Variants in SATB1 observed in about 807,000 individuals in gnomAD.
SATB1 encodes SATB homeobox 1, also known as DNA-binding protein SATB1.
SATB1 carries 11 observed loss-of-function variants against 86.9 expected under a neutral mutation model. The observed-to-expected ratio is 0.13, with a 90% CI of 0.08 to 0.21. SATB1 has a LOEUF of 0.21. Ranked by LOEUF, SATB1 falls within the 10% of genes least tolerant of loss-of-function variation. SATB1 has a pLI of 1.00. For missense variants in SATB1, 551 were observed against 937.6 expected, an observed-to-expected ratio of 0.59 and a Z score of 5.39; for synonymous variants, 357 against 357.2, an observed-to-expected ratio of 1.00 and a Z score of 0.01.
chr3:18,363,935 T>C (rs1323496470), intron 9 of SATB1, among the ~76,000 whole-genome samples: 1 of 152,178 alleles, frequency 6.6e-6, no homozygotes, highest in Non-Finnish European at 1.5e-5. Context: ...GGCATGCGAA[T>C]ATCAGAGAAA....
chr3:18,417,334 C>A (rs1214179851), intron 2 of SATB1: 1 of 565,460 alleles, frequency 1.8e-6, no homozygotes, highest in Middle Eastern at 4.7e-4. Context: ...ATTAACAGTG[C>A]ATTTTCCAAA....
chr3:18,441,584 C>G (rs1184959615), upstream of SATB1, among the ~76,000 whole-genome samples: 1 of 152,126 alleles, frequency 6.6e-6, no homozygotes, highest in African/African-American at 2.4e-5. Context: ...GTGTAAAGGG[C>G]ATATCTATGT....
chr3:18,372,925 A>G (rs1695547044), intron 9 of SATB1, among the ~76,000 whole-genome samples: 1 of 152,234 alleles, frequency 6.6e-6, no homozygotes, highest in African/African-American at 2.4e-5. Context: ...TCAAGAATGG[A>G]GCACAGGGAC....
intron 5 of SATB1, among the ~76,000 whole-genome samples, chr3:18,410,584 G>T (rs1372151351): frequency 6.6e-6 from 1 of 152,002 alleles, no homozygotes; most frequent in African/African-American, 2.4e-5. Context: ...CAACTAATAA[G>T]ATGTTATATC....
In SATB1 at chr3:18,349,662, T is replaced by C. The variant is rs751440509; in HGVS notation, c.1800A>G (p.Gln600=). 3.9e-5 allele frequency: 62 copies of C among 1,603,634 alleles called. No individual in the cohort carries two copies. Among genetic ancestry groups the C allele is most frequent in the African/African-American group, 2.7e-4 (20 of 74,766 alleles). The part of the protein sequence containing the change: ...EQIQQQQQQQ[Q]QQQQQQQAPP... ...GTGCCTGCTGCTGCTGCTGCTGCTGTTGCTGTTGCTGCTGCTGTTGCTGCA... is the reference window on the plus strand; with the variant it reads ...GTGCCTGCTGCTGCTGCTGCTGCTGCTGCTGTTGCTGCTGCTGTTGCTGCA... Residue 600 remains glutamine (Q), a synonymous_variant, in exon 11 of 11, where the codon CAA becomes CAG. Coordinates refer to ENST00000338745, the MANE Select transcript of SATB1 (RefSeq NM_002971.6). This position sits in a 1 kb window ranked among gnomAD's most constrained non-coding sequence, Gnocchi z 5.5.
At chr3:18,427,723 A>G (rs920330337), upstream of SATB1, among the ~76,000 whole-genome samples, 4 of 152,206 alleles carry the variant, frequency 2.6e-5, no homozygotes, top group Non-Finnish European at 4.4e-5. Flanking sequence ...ATCTATTCAA[A>G]AACACAAAAC....
chr3:18,445,146 T>A (rs2125217614), intron 1 of SATB1: 3 of 878,006 alleles, frequency 3.4e-6, no homozygotes, highest in Non-Finnish European at 4.1e-6. Context: ...CTTCGGAGCT[T>A]GTGCGGCGCG....
intron 9 of SATB1, among the ~76,000 whole-genome samples, chr3:18,355,705 C>A (rs1194824360): frequency 6.6e-6 from 1 of 151,878 alleles, no homozygotes; most frequent in African/African-American, 2.4e-5. Flanking sequence ...AGAGAGGTCT[C>A]TGGGACTTGA....
At chr3:18,417,405 T>C (rs1698173162) in intron 2 of SATB1, 6 of 560,132 alleles carry the variant, frequency 1.1e-5, no homozygotes, top group African/African-American at 5.8e-5. Context: ...GAGAAATAAA[T>C]GTATCTTCTC....
Position 18,415,912 on chromosome 3 carries a change from T to TA in SATB1, c.515+94dup, listed in dbSNP as rs964293258. The TA allele has an allele frequency of 7.3e-4, 873 of 1,197,146 alleles. 1 individual carries two copies. The highest frequency in any genetic ancestry group is 1.2e-3 in the Admixed American group (49 of 41,406). 74.2% of individuals were successfully genotyped at this position (1,197,146 alleles called of 1,614,324 possible). ...GTATTAACCTTTCTGAAACACAGAC[T>TA]AAAAAAAAATTGAAGGTCGACCAGA... On this transcript the variant is annotated intron_variant, in intron 4 of 10. Coordinates refer to ENST00000338745, the MANE Select transcript of SATB1 (RefSeq NM_002971.6).
rs923012685 is a variant in SATB1 at position 18,346,845 on chromosome 3, G to T, written c.*2325C>A. ...AGGAAGATAACTTCATGGCATTTGAGTTTCTATTTTATTTCCTATTTTTTA... is the reference window on the plus strand; with the variant it reads ...AGGAAGATAACTTCATGGCATTTGATTTTCTATTTTATTTCCTATTTTTTA... On this transcript the variant is annotated 3_prime_UTR_variant, in exon 11 of 11. Coordinates refer to ENST00000338745, the MANE Select transcript of SATB1 (RefSeq NM_002971.6). 4 of 151,924 alleles carry T rather than the reference G, an allele frequency of 2.6e-5. No individual in the cohort carries two copies. Among genetic ancestry groups the T allele is most frequent in the African/African-American group, 9.7e-5 (4 of 41,376 alleles). 9.4% of individuals were successfully genotyped at this position (151,924 alleles called of 1,614,324 possible).
chr3:18,436,353 G>A (rs2125204223), intron 2 of SATB1, among the ~76,000 whole-genome samples: 1 of 152,144 alleles, frequency 6.6e-6, no homozygotes, highest in South Asian at 2.1e-4. Flanking sequence ...GCTACTTGGT[G>A]GCTCAAATTG....
In SATB1 at chr3:18,394,218, TTTAA is replaced by T. The variant is rs1374860148; in HGVS notation, c.1206+240_1206+243del. Among the ~76,000 whole-genome samples, 1 of 152,216 alleles carries T rather than the reference TTTAA, an allele frequency of 6.6e-6. No homozygotes were observed. Among genetic ancestry groups the T allele is most frequent in the Non-Finnish European group, 1.5e-5 (1 of 68,040 alleles). On this transcript the variant is annotated intron_variant, in intron 7 of 10. Transcript: ENST00000338745. The surrounding 1 kb of genome is among the most constrained non-coding windows in gnomAD (Gnocchi z 5.9). ...ATGCCAGTTTAAAGTACGTTTGACA[TTTAA>T]TTAGTCTTTCAAAGGCCCTGAATTG... is the stretch of plus-strand genomic sequence containing the variant.
chr3:18,399,258 C>T (rs1575141746), intron 5 of SATB1, among the ~76,000 whole-genome samples: 1 of 152,128 alleles, frequency 6.6e-6, no homozygotes, highest in African/African-American at 2.4e-5. Flanking sequence ...TGCTGCACAC[C>T]TACTATATGC....
chr3:18,401,441 T>C (rs1697260621), intron 5 of SATB1, among the ~76,000 whole-genome samples: 1 of 152,272 alleles, frequency 6.6e-6, no homozygotes, highest in South Asian at 2.1e-4. Flanking sequence ...TCTCGGAAGT[T>C]GCAGTGCTCG....
chr3:18,390,663 AACATT>A (rs1696611829), intron 7 of SATB1, among the ~76,000 whole-genome samples: 1 of 152,184 alleles, frequency 6.6e-6, no homozygotes, highest in Non-Finnish European at 1.5e-5. Flanking sequence ...AATTTAATAA[AACATT>A]ACATGATGGT....
In SATB1 at chr3:18,386,280, T is replaced by C. The variant is rs1301677965; in HGVS notation, c.1419+119A>G. On this transcript the variant is annotated intron_variant, in intron 8 of 10. Coordinates refer to ENST00000338745, the MANE Select transcript of SATB1 (RefSeq NM_002971.6). This position sits in a 1 kb window ranked among gnomAD's most constrained non-coding sequence, Gnocchi z 4.5. ...GGACCAAATTCTCCTCAAGCAACTATACGAATTTAAAAACATATAAATCTA... is the reference window on the plus strand; with the variant it reads ...GGACCAAATTCTCCTCAAGCAACTACACGAATTTAAAAACATATAAATCTA... 3.8e-6 allele frequency: 3 copies of C among 792,742 alleles called. No individual in the cohort carries two copies. The highest frequency in any genetic ancestry group is 1.9e-5 in the South Asian group (1 of 52,386). 49.1% of individuals were successfully genotyped at this position (792,742 alleles called of 1,614,324 possible). A position where few individuals can be genotyped will look rare whatever the true frequency, so the allele number is the denominator to read the frequency against.
Position 18,349,282 on chromosome 3 carries a change from T to C in SATB1, c.2180A>G (p.Asp727Gly), listed in dbSNP as rs745790948. ...AEYKEEELLK[D>G]LEESVQDKNT... Reference sequence around the variant, plus strand: ...TTTATCTTGGACACTCTCTTCCAAATCCTTCAGCAGCTCCTCTTCTTTATA... The same window carrying C: ...TTTATCTTGGACACTCTCTTCCAAACCCTTCAGCAGCTCCTCTTCTTTATA... Residue 727 changes from aspartate to glycine, a missense_variant, in exon 11 of 11, where the codon GAT (aspartate) becomes GGT (glycine). Asp to Gly is a moderately conservative substitution (Grantham distance 94). Coordinates refer to ENST00000338745, the MANE Select transcript of SATB1 (RefSeq NM_002971.6). This position sits in a 1 kb window ranked among gnomAD's most constrained non-coding sequence, Gnocchi z 5.5. 1 of 1,614,222 alleles carries C rather than the reference T, an allele frequency of 6.2e-7. No homozygotes were observed. Among genetic ancestry groups the C allele is most frequent in the South Asian group, 1.1e-5 (1 of 91,088 alleles).
In SATB1 at chr3:18,386,726, T is replaced by A. The variant is rs1350576547; in HGVS notation, c.1207-115A>T. 1.3e-6 allele frequency: 1 copy of A among 762,422 alleles called. No homozygotes were observed. Among genetic ancestry groups the A allele is most frequent in the Non-Finnish European group, 2.2e-6 (1 of 455,676 alleles). 47.2% of individuals were successfully genotyped at this position (762,422 alleles called of 1,614,324 possible). A position where few individuals can be genotyped will look rare whatever the true frequency, so the allele number is the denominator to read the frequency against. On this transcript the variant is annotated intron_variant, in intron 7 of 10. Transcript: ENST00000338745. This position sits in a 1 kb window ranked among gnomAD's most constrained non-coding sequence, Gnocchi z 4.5. ...GAAAATGAACAGTCAGAGGCATTAATTCTGCATAGGAATATATTAGTTACA... is the reference window on the plus strand; with the variant it reads ...GAAAATGAACAGTCAGAGGCATTAAATCTGCATAGGAATATATTAGTTACA...
Sources: gnomAD v4.1 joint callset for allele counts (sites outside exome capture counted in the v4.1 genomes callset) on GRCh38, gnomAD v4.1.1 for gene constraint, Gnocchi (gnomAD v3.1) non-coding constraint, MANE v1.5 for transcripts, NCBI Gene and HGNC (gene_info 2026-07-23, HGNC 2026-07-21) for gene names.